Variants in RASSF4 observed in about 807,000 individuals in gnomAD.
RASSF4 encodes the protein Ras association domain family member 4.
In RASSF4, 38 loss-of-function variants were observed where a neutral mutation model predicts 41.1. That is an observed-to-expected ratio of 0.92 (90% CI 0.71 to 1.21). The LOEUF is 1.21. RASSF4 is among the 50% of genes most tolerant of loss of function. RASSF4 has a pLI of 0.00. For missense variants in RASSF4, 414 were observed against 419.4 expected (o/e 0.99, Z 0.11); for synonymous variants, 179 against 163.4 (o/e 1.10, Z -0.73).
At chr10:44,970,005 T>TGTGG (rs1164231345) in intron 1 of RASSF4, among the ~76,000 whole-genome samples, 160 bp from the exon 2 acceptor site, 1 of 152,224 alleles carries the variant, frequency 6.6e-6, no homozygotes, top group Non-Finnish European at 1.5e-5. Context: ...CATGTGGCCA[T>TGTGG]GTGGGTCTGG....
intron 1 of RASSF4, 72 bp from the exon 2 acceptor site, chr10:44,970,093 C>G: frequency 2.3e-6 from 2 of 860,716 alleles, no homozygotes; most frequent in South Asian, 3.0e-5. Context: ...GCCAGGGCTG[C>G]GGGTGTTGGG....
At chr10:44,989,837 T>C (rs1240858095) in intron 8 of RASSF4, 116 bp downstream of exon 8, 2 of 929,464 alleles carry the variant, frequency 2.2e-6, no homozygotes, top group East Asian at 4.9e-5. Context: ...CGTGCTGGCT[T>C]GCCTAGTGGG....
intron 1 of RASSF4, among the ~76,000 whole-genome samples, chr10:44,967,072 T>G (rs1840928032): frequency 6.6e-6 from 1 of 152,258 alleles, no homozygotes; most frequent in African/African-American, 2.4e-5. Flanking sequence ...TGGGTTATGC[T>G]GCAGTAACAA....
At position 44,987,343 on chromosome 10, in the gene RASSF4, C is replaced by T. The variant is rs189847674; in HGVS notation, c.532-1931C>T. Among the ~76,000 whole-genome samples, 27 of 152,286 alleles carry T rather than the reference C, an allele frequency of 1.8e-4. No homozygotes were observed. In the East Asian group the frequency reaches 4.5e-3, roughly 25 times the overall value. On this transcript the variant is annotated intron_variant, in intron 6 of 10. Coordinates refer to ENST00000340258, the MANE Select transcript of RASSF4 (RefSeq NM_032023.4). ...TGAACTCCTGACCTCGTGATCCGCCCGCCTTTGCCTACCAAAGTGCTGGGA... is the reference window on the plus strand; with the variant it reads ...TGAACTCCTGACCTCGTGATCCGCCTGCCTTTGCCTACCAAAGTGCTGGGA...
At chr10:44,982,136 A>AC (rs1282777838) in intron 3 of RASSF4, 3 of 279,656 alleles carry the variant, frequency 1.1e-5, no homozygotes, top group Non-Finnish European at 2.1e-5. Flanking sequence ...GTGGCGCAGG[A>AC]CCCCCTCCCA....
intron 6 of RASSF4, among the ~76,000 whole-genome samples, chr10:44,986,154 A>G (rs1251734093): frequency 6.6e-6 from 1 of 152,088 alleles, no homozygotes; most frequent in Non-Finnish European, 1.5e-5. Flanking sequence ...GGGTTTAGGT[A>G]TTTTCCAGTT....
intron 1 of RASSF4, among the ~76,000 whole-genome samples, chr10:44,961,669 C>T (rs1840716657): frequency 6.6e-6 from 1 of 152,216 alleles, no homozygotes; most frequent in Non-Finnish European, 1.5e-5. Context: ...CAAGGCCCAT[C>T]TTACAGGTCT....
intron 4 of RASSF4, 41 bp from the exon 5 acceptor site, chr10:44,983,981 C>T: frequency 6.4e-7 from 1 of 1,558,046 alleles, no homozygotes; most frequent in African/African-American, 1.4e-5. Flanking sequence ...CTCCCTTTCT[C>T]TGCCGGCAGC....
intron 3 of RASSF4, chr10:44,978,921 G>A (rs1256033937): frequency 6.6e-6 from 1 of 152,316 alleles, no homozygotes; most frequent in Non-Finnish European, 1.5e-5. Flanking sequence ...ACAGCTTGGT[G>A]GGCGGGGCCT....
chr10:44,968,168 G>A (rs1465622226), intron 1 of RASSF4, among the ~76,000 whole-genome samples: 2 of 152,188 alleles, frequency 1.3e-5, no homozygotes, highest in Admixed American at 6.5e-5. Flanking sequence ...GCAAGACTTC[G>A]TTATGCTGAA....
intron 10 of RASSF4, among the ~76,000 whole-genome samples, chr10:44,992,211 G>A (rs1842140540): frequency 6.6e-6 from 1 of 152,236 alleles, no homozygotes; most frequent in South Asian, 2.1e-4. Flanking sequence ...TGCCAAAACA[G>A]TGGGACACAG....
In RASSF4 at chr10:44,991,900, T is replaced by C; in HGVS notation, c.808-5T>C. 1 of 1,595,390 alleles carries C rather than the reference T, an allele frequency of 6.3e-7. No homozygotes were observed. Among genetic ancestry groups the C allele is most frequent in the Non-Finnish European group, 8.6e-7 (1 of 1,166,866 alleles). On this transcript the variant is annotated splice_region_variant and splice_polypyrimidine_tract_variant and intron_variant, in intron 9 of 10. Transcript: ENST00000340258. ...AGCACATTAAAATGTTCTTGGATTT[T>C]CTAGGTCGCTCAGTACATTAAGTTT...
At chr10:44,960,895 A>AT (rs11389811) in intron 1 of RASSF4, among the ~76,000 whole-genome samples, 55,978 of 151,444 alleles carry the variant, frequency 0.37, 11,310 homozygotes, top group East Asian at 0.55. Context: ...GCCAGAAACC[A>AT]TTTTTTTTTA....
rs1324852364 is a variant in RASSF4 at position 44,995,563 on chromosome 10, A to G, written c.*2234A>G. 1 of 152,252 alleles carries G rather than the reference A, an allele frequency of 6.6e-6. No individual in the cohort carries two copies. The highest frequency in any genetic ancestry group is 1.9e-4 in the East Asian group (1 of 5,206). The allele number at this position is 152,252 out of a possible 1,614,324, so 9.4% of individuals were successfully genotyped here. A position where few individuals can be genotyped will look rare whatever the true frequency, so the allele number is the denominator to read the frequency against. The stretch of plus-strand genomic sequence containing the variant: ...TTCACTTTTAAAGTAGGTGTTATCA[A>G]TCTAATTTCTGAACGTTATGGGTCA... On this transcript the variant is annotated 3_prime_UTR_variant, in exon 11 of 11. Coordinates refer to ENST00000340258, the MANE Select transcript of RASSF4 (RefSeq NM_032023.4).
intron 3 of RASSF4, chr10:44,977,676 G>T: frequency 6.2e-7 from 1 of 1,612,898 alleles, no homozygotes; most frequent in Non-Finnish European, 8.5e-7. Flanking sequence ...AGGTCCCTCT[G>T]GCTTGGCTGC....
intron 1 of RASSF4, among the ~76,000 whole-genome samples, chr10:44,964,847 T>C (rs766198755): frequency 3.5e-5 from 5 of 144,078 alleles, no homozygotes; most frequent in Non-Finnish European, 7.6e-5. Context: ...TGCAGTTTCC[T>C]GTAGATGTGA....
chr10:44,989,600 T>C, intron 7 of RASSF4, 70 bp from the exon 8 acceptor site: 1 of 1,412,238 alleles, frequency 7.1e-7, no homozygotes, highest in Non-Finnish European at 1.0e-6. Flanking sequence ...GTAGTTACTG[T>C]CAGGGGACCC....
rs544849659 is a variant in RASSF4 at position 44,995,087 on chromosome 10, C to T, written c.*1758C>T. 4 of 152,226 alleles carry T rather than the reference C, an allele frequency of 2.6e-5. No individual in the cohort carries two copies. Among genetic ancestry groups the T allele is most frequent in the African/African-American group, 9.7e-5 (4 of 41,440 alleles). 9.4% of individuals were successfully genotyped at this position (152,226 alleles called of 1,614,324 possible). A position where few individuals can be genotyped will look rare whatever the true frequency, so the allele number is the denominator to read the frequency against. ...GCCTAGGAGAGGGTACAAAACAAAT[C>T]AAACAGGAGCTCCCAGGTAATTGTA... On this transcript the variant is annotated 3_prime_UTR_variant, in exon 11 of 11. Coordinates refer to ENST00000340258, the MANE Select transcript of RASSF4 (RefSeq NM_032023.4).
chr10:44,989,798 A>C, intron 8 of RASSF4, 77 bp downstream of exon 8: 2 of 1,236,288 alleles, frequency 1.6e-6, no homozygotes, highest in Non-Finnish European at 2.4e-6. Context: ...CCCACCAACC[A>C]CTGACTGTAC....
Sources: gnomAD v4.1 joint callset for allele counts (sites outside exome capture counted in the v4.1 genomes callset) on GRCh38, gnomAD v4.1.1 for gene constraint, MANE v1.5 for transcripts, NCBI Gene and HGNC (gene_info 2026-07-23, HGNC 2026-07-21) for gene names.